The following PPP2R3A variants were observed in gnomAD, a reference collection of about 807,000 sequenced individuals.
PPP2R3A encodes serine/threonine-protein phosphatase 2A regulatory subunit B'' subunit alpha.
A neutral mutation model predicts 106.9 loss-of-function variants in PPP2R3A; 80 were observed. The observed-to-expected ratio is 0.75, with a 90% confidence interval of 0.62 to 0.90. The LOEUF (loss-of-function observed/expected upper bound fraction) is 0.90, where lower values mean the gene tolerates loss of function less well. Ranked by LOEUF, PPP2R3A falls within the 40% of genes least tolerant of loss-of-function variation. The probability of loss-of-function intolerance (pLI) is 0.00; values close to 1 mark genes in which losing one functional copy is unlikely to be tolerated. For synonymous variants in PPP2R3A, 483 were observed against 468.3 expected, an observed-to-expected ratio of 1.03 and a Z score of -0.41; for missense variants, 1,386 against 1,350.4, an observed-to-expected ratio of 1.03 and a Z score of -0.41.
chr3:136,051,977 AC>A (rs1935701186), intron 5 of PPP2R3A, among the ~76,000 whole-genome samples: 2 of 152,150 alleles, frequency 1.3e-5, no homozygotes, highest in African/African-American at 4.8e-5. Flanking sequence ...CCTTAGACTC[AC>A]CTGCTACATG....
chr3:136,020,029 T>G (rs1934410888), intron 2 of PPP2R3A, among the ~76,000 whole-genome samples: 1 of 152,110 alleles, frequency 6.6e-6, no homozygotes, highest in Non-Finnish European at 1.5e-5. Flanking sequence ...AGACCACATC[T>G]TTATCATCTC....
At chr3:136,123,426 T>A (rs1332160606) in intron 13 of PPP2R3A, among the ~76,000 whole-genome samples, 1 of 152,074 alleles carries the variant, frequency 6.6e-6, no homozygotes, top group Non-Finnish European at 1.5e-5. Context: ...AATAAAGACT[T>A]TAAAAGCATA....
chr3:136,017,155 C>A (rs1934306554), intron 2 of PPP2R3A, among the ~76,000 whole-genome samples: 1 of 152,196 alleles, frequency 6.6e-6, no homozygotes, highest in African/African-American at 2.4e-5. Flanking sequence ...CCAATCCCTT[C>A]TAGCTAGTAG....
Position 136,078,374 on chromosome 3 carries a change from A to G in PPP2R3A, c.2552A>G (p.Gln851Arg). ...FHSRYITTVIQRIFYTVNRSW... is the reference protein window; with the variant it reads ...FHSRYITTVIRRIFYTVNRSW... ...TTTTCCTTTTGGAACCAGGTTATTC[A>G]GAGAATATTCTACACAGTCAACAGA... The change falls in exon 7 of 14, where the codon CAG (glutamine) becomes CGG (arginine). Residue 851 changes from glutamine to arginine, a missense_variant. Transcript: ENST00000264977. 5.0e-6 allele frequency: 8 copies of G among 1,600,878 alleles called. No homozygotes were observed. The highest frequency in any genetic ancestry group is 5.1e-6 in the Non-Finnish European group (6 of 1,171,530).
intron 2 of PPP2R3A, among the ~76,000 whole-genome samples, chr3:136,014,903 ACTGCT>A (rs1469525513): frequency 6.6e-6 from 1 of 152,016 alleles, no homozygotes; most frequent in Non-Finnish European, 1.5e-5. Flanking sequence ...GTCTTGTTCC[ACTGCT>A]CAGGGGGAGT....
intron 13 of PPP2R3A, among the ~76,000 whole-genome samples, chr3:136,121,105 A>G (rs1937980185): frequency 6.6e-6 from 1 of 152,180 alleles, no homozygotes; most frequent in African/African-American, 2.4e-5. Flanking sequence ...AGGAAAATAA[A>G]TGATTCTACC....
chr3:136,005,668 A>G (rs1424076227), intron 2 of PPP2R3A, among the ~76,000 whole-genome samples: 3 of 152,190 alleles, frequency 2.0e-5, no homozygotes, highest in Non-Finnish European at 2.9e-5. Flanking sequence ...TACACAGGCA[A>G]TACTGATGTG....
chr3:136,086,344 T>C (rs1216898049), intron 8 of PPP2R3A, among the ~76,000 whole-genome samples: 1 of 151,952 alleles, frequency 6.6e-6, no homozygotes, highest in Non-Finnish European at 1.5e-5. Flanking sequence ...TAGCCGGGTG[T>C]GGTGGTGCGT....
chr3:136,062,656 T>C (rs2107891049), intron 5 of PPP2R3A, among the ~76,000 whole-genome samples: 1 of 150,760 alleles, frequency 6.6e-6, no homozygotes, highest in African/African-American at 2.4e-5. Context: ...AGGCGGAGCT[T>C]GCAGTGAGCC....
At chr3:136,121,728 T>C (rs1202167207) in intron 13 of PPP2R3A, among the ~76,000 whole-genome samples, 7 of 152,012 alleles carry the variant, frequency 4.6e-5, no homozygotes, top group African/African-American at 7.2e-5. Flanking sequence ...GTTTTTTTAA[T>C]GAAAAGTCAG....
intron 13 of PPP2R3A, among the ~76,000 whole-genome samples, chr3:136,117,938 G>A (rs1937840400): frequency 6.6e-6 from 1 of 152,232 alleles, no homozygotes; most frequent in Admixed American, 6.5e-5. Flanking sequence ...GAGAATCTCA[G>A]GCCAGTATTC....
intron 2 of PPP2R3A, among the ~76,000 whole-genome samples, chr3:136,017,372 G>A (rs1216835527): frequency 6.6e-6 from 1 of 152,172 alleles, no homozygotes; most frequent in Non-Finnish European, 1.5e-5. Context: ...AGTTTTCCTT[G>A]ATTATTCACT....
Position 136,001,293 on chromosome 3 carries a change from C to G in PPP2R3A, c.-206C>G, listed in dbSNP as rs999664963. On this transcript the variant is annotated 5_prime_UTR_variant, in exon 2 of 14. Coordinates refer to ENST00000264977, the MANE Select transcript of PPP2R3A (RefSeq NM_002718.5). Reference sequence around the variant, plus strand: ...CACAATTATTAAATTATTAAATTTGCCACACATGTGCAGCAGCTACTGTAT... The same window carrying G: ...CACAATTATTAAATTATTAAATTTGGCACACATGTGCAGCAGCTACTGTAT... 1 of 461,508 alleles carries G rather than the reference C, an allele frequency of 2.2e-6. No homozygotes were observed. Among genetic ancestry groups the G allele is most frequent in the Admixed American group, 3.8e-5 (1 of 26,082 alleles). 28.6% of individuals were successfully genotyped at this position (461,508 alleles called of 1,614,324 possible).
chr3:136,063,511 G>A (rs771104925), intron 5 of PPP2R3A, among the ~76,000 whole-genome samples: 3 of 152,156 alleles, frequency 2.0e-5, no homozygotes, highest in Non-Finnish European at 4.4e-5. Flanking sequence ...GAAAATTTTT[G>A]CAACCTACTC....
chr3:136,048,984 C>T (rs926045067), intron 4 of PPP2R3A, among the ~76,000 whole-genome samples: 2 of 152,086 alleles, frequency 1.3e-5, no homozygotes, highest in Non-Finnish European at 2.9e-5. Context: ...ATGCTTTAGA[C>T]AGCTGTTCCT....
Position 136,147,741 on chromosome 3 carries a change from C to T in PPP2R3A, c.*2575C>T. ...AAAATTCCATATATCTTCCCTGCAT[C>T]TTGTCACTGTGTACCATTCAAAGTG... is the stretch of plus-strand genomic sequence containing the variant. On this transcript the variant is annotated 3_prime_UTR_variant, in exon 14 of 14. Transcript: ENST00000264977. 1 of 152,182 alleles carries T rather than the reference C, an allele frequency of 6.6e-6. No homozygotes were observed. The highest frequency in any genetic ancestry group is 1.5e-5 in the Non-Finnish European group (1 of 68,040). The allele number at this position is 152,182 out of a possible 1,614,324, so 9.4% of individuals were successfully genotyped here.
At chr3:136,103,039 T>G (rs2107968051) in intron 11 of PPP2R3A, among the ~76,000 whole-genome samples, 1 of 152,298 alleles carries the variant, frequency 6.6e-6, no homozygotes. Context: ...TAAAATTGTT[T>G]AAATGGTGAA....
intron 1 of PPP2R3A, among the ~76,000 whole-genome samples, chr3:135,998,587 T>TAC (rs146624320): frequency 1.4e-3 from 216 of 151,866 alleles, no homozygotes; most frequent in South Asian, 0.014. Context: ...AAAGTATATG[T>TAC]ACACACACAC....
intron 10 of PPP2R3A, among the ~76,000 whole-genome samples, chr3:136,096,389 G>A (rs16843690): frequency 0.04 from 6,162 of 152,246 alleles, 447 homozygotes; most frequent in African/African-American, 0.14. Flanking sequence ...GAAATGCTGC[G>A]TACGAAATTA....
Sources: allele counts gnomAD v4.1 joint callset (sites outside exome capture counted in the v4.1 genomes callset), GRCh38; gene constraint gnomAD v4.1.1; transcripts MANE v1.5; gene names NCBI Gene and HGNC (gene_info 2026-07-23, HGNC 2026-07-21).